PMP2: variants seen among roughly 807,000 people sequenced by gnomAD.
PMP2 encodes the protein peripheral myelin protein 2.
A neutral mutation model predicts 15.9 loss-of-function variants in PMP2; 11 were observed. The observed-to-expected ratio is 0.69, with a 90% CI of 0.44 to 1.14. PMP2 has a LOEUF of 1.14. PMP2 is among the 50% of genes most tolerant of loss of function. The pLI is 0.00. For missense variants in PMP2, 151 were observed against 154.0 expected (o/e 0.98, Z 0.10); for synonymous variants, 55 against 54.1 (o/e 1.02, Z -0.07).
chr8:81,445,096 A>G (rs1373065772), intron 1 of PMP2, 107 bp from the exon 2 acceptor site: 1 of 764,934 alleles, frequency 1.3e-6, no homozygotes, highest in East Asian at 2.6e-5. Context: ...AGTTGATGGC[A>G]GGTAATATCA....
At position 81,441,602 on chromosome 8, in the gene PMP2, ATCG is replaced by A. The variant is rs1807346544; in HGVS notation, c.*1793_*1795del. 1 of 151,838 alleles carries A rather than the reference ATCG, an allele frequency of 6.6e-6. No individual in the cohort carries two copies. The highest frequency in any genetic ancestry group is 2.4e-5 in the African/African-American group (1 of 41,338). 9.4% of individuals were successfully genotyped at this position (151,838 alleles called of 1,614,324 possible). ...TCATCTGTCAGTCATCTACCTATCT[ATCG>A]ATTATCTATCATTATATCAGTATGG... is the stretch of plus-strand genomic sequence containing the variant. On this transcript the variant is annotated 3_prime_UTR_variant, in exon 4 of 4. Transcript: ENST00000256103.
Position 81,441,770 on chromosome 8 carries a change from C to T in PMP2, c.*1628G>A, listed in dbSNP as rs1807352687. ...GCCAGTGGGAGCCCCTTCAAGCTGG[C>T]TCTATGTTTTGGCAATATACCTCTA... On this transcript the variant is annotated 3_prime_UTR_variant, in exon 4 of 4. Coordinates refer to ENST00000256103, the MANE Select transcript of PMP2 (RefSeq NM_002677.5). 1 of 151,844 alleles carries T rather than the reference C, an allele frequency of 6.6e-6. No homozygotes were observed. The highest frequency in any genetic ancestry group is 1.5e-5 in the Non-Finnish European group (1 of 67,920). 9.4% of individuals were successfully genotyped at this position (151,844 alleles called of 1,614,324 possible). A position where few individuals can be genotyped will look rare whatever the true frequency, so the allele number is the denominator to read the frequency against.
At chr8:81,443,495 G>A in intron 3 of PMP2, 47 bp from the exon 4 acceptor site, 1 of 1,183,100 alleles carries the variant, frequency 8.5e-7, no homozygotes, top group Admixed American at 2.3e-5. Flanking sequence ...TCAAACCAGA[G>A]AACAGAAAAT....
intron 3 of PMP2, among the ~76,000 whole-genome samples, chr8:81,443,971 A>C (rs1484883534): frequency 1.6e-4 from 25 of 152,180 alleles, no homozygotes; most frequent in Admixed American, 1.6e-3. Flanking sequence ...TAACCCTAAA[A>C]AAAAAAAATC....
At chr8:81,443,652 G>A (rs944504465) in intron 3 of PMP2, among the ~76,000 whole-genome samples, 1 of 152,098 alleles carries the variant, frequency 6.6e-6, no homozygotes, top group Non-Finnish European at 1.5e-5. Context: ...TGCTGTAAAG[G>A]AATTTTTTTA....
In PMP2 at chr8:81,444,872, G is replaced by A. The variant is rs1243430933; in HGVS notation, c.191C>T (p.Ser64Phe). ...TTCAAATTCCTGGCCTAGCTTGAAG[G>A]AGATTTCTGTATTTTTAAAGGTACT... ...TESTFKNTEI[S>F]FKLGQEFEET... The change falls in exon 2 of 4, where the codon TCC becomes TTC. Residue 64 changes from serine to phenylalanine, a missense_variant. Transcript: ENST00000256103. 1 of 1,613,698 alleles carries A rather than the reference G, an allele frequency of 6.2e-7. No homozygotes were observed. Among genetic ancestry groups the A allele is most frequent in the South Asian group, 1.1e-5 (1 of 91,060 alleles).
rs1452529070 is a variant in PMP2, at chr8:81,444,616, T to C, written c.247-15A>G. ...GTTACGATGCTCTGCAAAGACAAGG[T>C]CATGCAATTGACTTGCCTGAAATTT... On this transcript the variant is annotated splice_polypyrimidine_tract_variant and intron_variant, in intron 2 of 3. Transcript: ENST00000256103. 7.5e-6 allele frequency: 12 copies of C among 1,594,626 alleles called. No homozygotes were observed. The highest frequency in any genetic ancestry group is 1.0e-5 in the Non-Finnish European group (12 of 1,166,592).
chr8:81,445,961 A>G (rs185639727), intron 1 of PMP2, among the ~76,000 whole-genome samples: 60 of 152,158 alleles, frequency 3.9e-4, no homozygotes, highest in African/African-American at 1.1e-3. Flanking sequence ...GTTTATTACC[A>G]TTATTACCAA....
In PMP2 at chr8:81,440,725, C is replaced by A. The variant is rs1807312198; in HGVS notation, c.*2673G>T. The A allele has an allele frequency of 6.6e-6, 1 of 152,176 alleles. No individual in the cohort carries two copies. The highest frequency in any genetic ancestry group is 2.4e-5 in the African/African-American group (1 of 41,534). The allele number at this position is 152,176 out of a possible 1,614,324, so 9.4% of individuals were successfully genotyped here. On this transcript the variant is annotated 3_prime_UTR_variant, in exon 4 of 4. Transcript: ENST00000256103. The stretch of plus-strand genomic sequence containing the variant: ...GTATCAGATTATTGTTAAATGTTAC[C>A]TTATTTGCCTTATCAATTGCTCTCT...
intron 3 of PMP2, 45 bp from the exon 4 acceptor site, chr8:81,443,493 GA>G: frequency 1.7e-6 from 2 of 1,201,628 alleles, no homozygotes; most frequent in Non-Finnish European, 2.4e-6. Context: ...GTTCAAACCA[GA>G]GAACAGAAAA....
Position 81,444,954 on chromosome 8 carries a change from C to T in PMP2, c.109G>A (p.Ala37Thr), listed in dbSNP as rs1394998535. Residue 37 changes from alanine to threonine, a missense_variant, in exon 2 of 4, where the codon GCC becomes ACC. Coordinates refer to ENST00000256103, the MANE Select transcript of PMP2 (RefSeq NM_002677.5). ...TTGCTGATGATCACAGTGGGTTTGGCCAAATTTCCCAGTTTTCTGGTGGCT... is the reference window on the plus strand; with the variant it reads ...TTGCTGATGATCACAGTGGGTTTGGTCAAATTTCCCAGTTTTCTGGTGGCT... ...GLATRKLGNL[A>T]KPTVIISKKG... 2 of 1,613,612 alleles carry T rather than the reference C, an allele frequency of 1.2e-6. No homozygotes were observed. The highest frequency in any genetic ancestry group is 3.3e-5 in the Admixed American group (2 of 59,958).
intron 1 of PMP2, 80 bp from the exon 2 acceptor site, chr8:81,445,069 CAGT>C: frequency 8.6e-7 from 1 of 1,169,278 alleles, no homozygotes; most frequent in Non-Finnish European, 1.2e-6. Flanking sequence ...ATCCTACGCT[CAGT>C]GGTGCCCCAG....
Position 81,444,913 on chromosome 8 carries a change from T to A in PMP2, c.150A>T (p.Ile50=). ...TAAAGGTACTTTCAGTTCGTATAGT[T>A]ATAATATCTCCTTTCTTGCTGATGA... The part of the protein sequence containing the change: ...TVIISKKGDI[I]TIRTESTFKN... Residue 50 remains isoleucine (I), a synonymous_variant, in exon 2 of 4, where the codon ATA becomes ATT. Transcript: ENST00000256103. 1 of 1,613,900 alleles carries A rather than the reference T, an allele frequency of 6.2e-7. No individual in the cohort carries two copies. The highest frequency in any genetic ancestry group is 8.5e-7 in the Non-Finnish European group (1 of 1,179,744).
chr8:81,444,511 T>G lies in PMP2; in HGVS notation c.337A>C (p.Lys113Gln). The G allele has an allele frequency of 6.2e-7, 1 of 1,606,488 alleles. No individual in the cohort carries two copies. The highest frequency in any genetic ancestry group is 8.5e-7 in the Non-Finnish European group (1 of 1,173,294). Reference protein sequence around the residue: ...TTIKRKLVNGKMVAECKMKGV... With the variant: ...TTIKRKLVNGQMVAECKMKGV... ...AAAGATACTCTTACCGCTACCATTT[T>G]CCCATTCACTAGCTTTCTCTTTATG... is the stretch of plus-strand genomic sequence containing the variant. The change falls in exon 3 of 4, where the codon AAA becomes CAA. Residue 113 changes from lysine to glutamine, a missense_variant. Lys to Gln is a moderately conservative substitution (Grantham distance 53, BLOSUM62 1). Transcript: ENST00000256103.
In PMP2 at chr8:81,440,543, C is replaced by T. The variant is rs577793422; in HGVS notation, c.*2855G>A. 4.6e-5 allele frequency: 7 copies of T among 152,048 alleles called. No individual in the cohort carries two copies. The highest frequency in any genetic ancestry group is 2.1e-4 in the South Asian group (1 of 4,816). The allele number at this position is 152,048 out of a possible 1,614,324, so 9.4% of individuals were successfully genotyped here. A position where few individuals can be genotyped will look rare whatever the true frequency, so the allele number is the denominator to read the frequency against. On this transcript the variant is annotated 3_prime_UTR_variant, in exon 4 of 4. Transcript: ENST00000256103. ...GAAAAAGAGAAGAAGTTGCCAAGTGCGGGGTTTTTTTTCAATCATGTTTGG... is the reference window on the plus strand; with the variant it reads ...GAAAAAGAGAAGAAGTTGCCAAGTGTGGGGTTTTTTTTCAATCATGTTTGG...
intron 3 of PMP2, 120 bp from the exon 4 acceptor site, chr8:81,443,568 C>G: frequency 1.7e-6 from 1 of 576,816 alleles, no homozygotes. Flanking sequence ...AATAAAATAT[C>G]AGTATGTCAG....
In PMP2 at chr8:81,444,834, C is replaced by T. The variant is rs901837298; in HGVS notation, c.229G>A (p.Asp77Asn). The change falls in exon 2 of 4, where the codon GAC becomes AAC. Residue 77 changes from aspartate (D) to asparagine (N), a missense_variant. Transcript: ENST00000256103. Reference protein sequence around the residue: ...LGQEFEETTADNRKTKSIVTL... With the variant: ...LGQEFEETTANNRKTKSIVTL... ...AAGATTACCTTGGTCTTTCTATTGT[C>T]AGCTGTGGTTTCTTCAAATTCCTGG... 1 of 1,613,508 alleles carries T rather than the reference C, an allele frequency of 6.2e-7. No homozygotes were observed. The highest frequency in any genetic ancestry group is 2.2e-5 in the East Asian group (1 of 44,884).
rs1807338750 is a variant in PMP2 at position 81,441,506 on chromosome 8, A to G, written c.*1892T>C. ...TCCATGACGTTCTATTGCAAAAGAGAAACCTTCTCATTTCTCTATCTATCT... is the reference window on the plus strand; with the variant it reads ...TCCATGACGTTCTATTGCAAAAGAGGAACCTTCTCATTTCTCTATCTATCT... On this transcript the variant is annotated 3_prime_UTR_variant, in exon 4 of 4. Transcript: ENST00000256103. 6.6e-6 allele frequency: 1 copy of G among 151,066 alleles called. No individual in the cohort carries two copies. The highest frequency in any genetic ancestry group is 1.5e-5 in the Non-Finnish European group (1 of 67,744). 9.4% of individuals were successfully genotyped at this position (151,066 alleles called of 1,614,324 possible).
Position 81,442,314 on chromosome 8 carries a change from C to T in PMP2, c.*1084G>A, listed in dbSNP as rs1482625568. ...GTTTTATTATTACTTGGGCACAATG[C>T]AATGGTCCCCCGTTCCTGCCTGTCA... On this transcript the variant is annotated 3_prime_UTR_variant, in exon 4 of 4. Transcript: ENST00000256103. 6.6e-6 allele frequency: 1 copy of T among 152,456 alleles called. No individual in the cohort carries two copies. Among genetic ancestry groups the T allele is most frequent in the Non-Finnish European group, 1.5e-5 (1 of 67,940 alleles). The allele number at this position is 152,456 out of a possible 1,614,324, so 9.4% of individuals were successfully genotyped here. A position where few individuals can be genotyped will look rare whatever the true frequency, so the allele number is the denominator to read the frequency against.
Sources: allele counts gnomAD v4.1 joint callset (sites outside exome capture counted in the v4.1 genomes callset), GRCh38; gene constraint gnomAD v4.1.1; transcripts MANE v1.5; gene names NCBI Gene and HGNC (gene_info 2026-07-23, HGNC 2026-07-21).